Variants in NGEF observed in about 807,000 individuals in gnomAD.
The protein encoded by NGEF is ephexin-1.
In NGEF, 31 loss-of-function variants were observed where a neutral mutation model predicts 80.9. The observed-to-expected ratio is 0.38, with a 90% CI of 0.29 to 0.52. NGEF has a LOEUF of 0.52. NGEF is among the 20% of genes least tolerant of loss of function. NGEF has a pLI of 0.84. For synonymous variants in NGEF, 371 were observed against 370.2 expected (o/e 1.00, Z -0.03); for missense variants, 709 against 926.2 (o/e 0.77, Z 3.04).
chr2:232,975,016 T>A, intron 1 of NGEF, 52 bp from the exon 2 acceptor site: 1 of 914,256 alleles, frequency 1.1e-6, no homozygotes, highest in Non-Finnish European at 1.6e-6. Flanking sequence ...CTAAGTATTC[T>A]ATTCAGACTG....
chr2:233,011,251 T>A (rs1695197056), intron 1 of NGEF, among the ~76,000 whole-genome samples: 1 of 151,762 alleles, frequency 6.6e-6, no homozygotes, highest in Non-Finnish European at 1.5e-5. Flanking sequence ...TGCACAGCAA[T>A]TATCTATGAA....
intron 5 of NGEF, among the ~76,000 whole-genome samples, chr2:232,907,468 C>A (rs775680312): frequency 6.6e-6 from 1 of 152,132 alleles, no homozygotes; most frequent in African/African-American, 2.4e-5. Flanking sequence ...ATCTGAAGAT[C>A]CCGGTTTTGT....
At position 232,892,767 on chromosome 2, in the gene NGEF, C is replaced by G; in HGVS notation, c.1142+131G>C. ...CAGTATCCCTGGCCAACTCCGGTGG[C>G]TCATGTGGACCTTGGGAACGCAGAG... is the stretch of plus-strand genomic sequence containing the variant. On this transcript the variant is annotated intron_variant, in intron 7 of 14. Transcript: ENST00000264051. This position sits in a 1 kb window ranked among gnomAD's most constrained non-coding sequence, Gnocchi z 4.0. The G allele has an allele frequency of 9.9e-7, 1 of 1,010,902 alleles. No individual in the cohort carries two copies. The highest frequency in any genetic ancestry group is 1.5e-6 in the Non-Finnish European group (1 of 681,108). The allele number at this position is 1,010,902 out of a possible 1,614,324, so 62.6% of individuals were successfully genotyped here.
chr2:232,890,274 G>GGCCTGTCAGGTGGAGGGGGTCTTGC (rs1691838471), intron 8 of NGEF, among the ~76,000 whole-genome samples: 25 of 151,560 alleles, frequency 1.6e-4, no homozygotes, highest in African/African-American at 6.1e-4. Context: ...GGGGGTCTTG[G>GGCCTGTCAGGTGGAGGGGGTCTTGC]GCCTGCCTCT....
At chr2:232,916,721 C>A (rs1273607591) in intron 5 of NGEF, among the ~76,000 whole-genome samples, 1 of 152,184 alleles carries the variant, frequency 6.6e-6, no homozygotes, top group Non-Finnish European at 1.5e-5. Context: ...TGCAAATGGC[C>A]GCTCTTGCAC....
chr2:232,959,707 G>A (rs1306049401), intron 3 of NGEF, among the ~76,000 whole-genome samples: 1 of 151,910 alleles, frequency 6.6e-6, no homozygotes. Flanking sequence ...AGTCTCCCGA[G>A]TAGCTGGGAT....
chr2:232,999,122 C>T (rs558492000), intron 1 of NGEF, among the ~76,000 whole-genome samples: 12 of 152,302 alleles, frequency 7.9e-5, no homozygotes, highest in South Asian at 4.1e-4. Context: ...AAGCTTCCCA[C>T]ATCTGAGCAG....
intron 3 of NGEF, among the ~76,000 whole-genome samples, chr2:232,966,369 T>C (rs980186314): frequency 1.3e-5 from 2 of 152,188 alleles, no homozygotes; most frequent in Non-Finnish European, 2.9e-5. Context: ...CACACTTAGC[T>C]CTGAGAAATC....
At chr2:232,910,848 T>C (rs1233877865) in intron 5 of NGEF, among the ~76,000 whole-genome samples, 1 of 152,234 alleles carries the variant, frequency 6.6e-6, no homozygotes, top group African/African-American at 2.4e-5. Context: ...TGGACTGTTG[T>C]TTTTTTACTG....
rs768977375 is a variant in NGEF, at chr2:232,920,479, A to G, written c.633T>C (p.Ser211=). 1.6e-5 allele frequency: 26 copies of G among 1,612,226 alleles called. No homozygotes were observed. Among genetic ancestry groups the G allele is most frequent in the Non-Finnish European group, 2.0e-5 (24 of 1,179,224 alleles). Residue 211 remains serine, a synonymous_variant, in exon 5 of 15, where the codon AGT becomes AGC. Transcript: ENST00000264051. ...CTTCTTCCTCCTCCGGGGTGTCCTC[A>G]CTGGCCGGGGACCCATTGGTATTGT... is the stretch of plus-strand genomic sequence containing the variant. ...IEDNTNGSPA[S]EDTPEEEEEE...
chr2:232,989,966 G>A (rs912821084), intron 1 of NGEF, among the ~76,000 whole-genome samples: 1 of 152,162 alleles, frequency 6.6e-6, no homozygotes, highest in African/African-American at 2.4e-5. Flanking sequence ...AGAAGAGACT[G>A]TGTACATTTA....
chr2:232,986,158 T>G, intron 1 of NGEF, among the ~76,000 whole-genome samples: 1 of 152,080 alleles, frequency 6.6e-6, no homozygotes, highest in South Asian at 2.1e-4. Flanking sequence ...AACAATGAGA[T>G]ACCATCTCAC....
rs1448801017 is a variant in NGEF at position 232,878,709 on chromosome 2, A to G, written c.*780T>C. 2 of 152,608 alleles carry G rather than the reference A, an allele frequency of 1.3e-5. No homozygotes were observed. The highest frequency in any genetic ancestry group is 4.8e-5 in the African/African-American group (2 of 41,458). The allele number at this position is 152,608 out of a possible 1,614,324, so 9.5% of individuals were successfully genotyped here. A position where few individuals can be genotyped will look rare whatever the true frequency, so the allele number is the denominator to read the frequency against. The stretch of plus-strand genomic sequence containing the variant: ...AGTAGACCTTCATCTTCTTTATTTT[A>G]TATATGATGCTTCTTTTAATGCAGC... On this transcript the variant is annotated 3_prime_UTR_variant, in exon 15 of 15. Transcript: ENST00000264051.
At chr2:232,915,476 C>T (rs778362) in intron 5 of NGEF, among the ~76,000 whole-genome samples, 127,908 of 152,182 alleles carry the variant, frequency 0.84, 54,051 homozygotes, top group African/African-American at 0.91. Context: ...TGCATCTCAA[C>T]TGGATTCATT....
At chr2:233,006,050 CA>C (rs1695077913) in intron 1 of NGEF, among the ~76,000 whole-genome samples, 1 of 152,178 alleles carries the variant, frequency 6.6e-6, no homozygotes, top group African/African-American at 2.4e-5. Flanking sequence ...CTCTTGACCT[CA>C]AGTGATCCGC....
chr2:232,933,916 T>C lies in NGEF; in HGVS notation c.384-6730A>G, dbSNP rs536786767. On this transcript the variant is annotated intron_variant, in intron 3 of 14. Transcript: ENST00000264051. Reference sequence around the variant, plus strand: ...GGGCTCCTTAGGATGGGCACCCTGCTGCCTCACTCATCTTTCATCAGGAGC... The same window carrying C: ...GGGCTCCTTAGGATGGGCACCCTGCCGCCTCACTCATCTTTCATCAGGAGC... 5.3e-5 allele frequency among the ~76,000 whole-genome samples: 8 copies of C among 152,342 alleles called. No homozygotes were observed. In the South Asian group the frequency reaches 1.7e-3, roughly 32 times the overall value.
intron 8 of NGEF, 22 bp downstream of exon 8, chr2:232,891,336 G>T: frequency 6.2e-7 from 1 of 1,612,338 alleles, no homozygotes; most frequent in Non-Finnish European, 8.5e-7. Flanking sequence ...CCCGTCTGTG[G>T]GTCAGGTGGA....
intron 5 of NGEF, 52 bp from the exon 6 acceptor site, chr2:232,894,968 G>C: frequency 2.0e-6 from 3 of 1,515,430 alleles, no homozygotes; most frequent in Non-Finnish European, 1.8e-6. Flanking sequence ...TTCCACGAAG[G>C]CGCTAGCCTT....
At chr2:232,910,857 T>C (rs1436623336) in intron 5 of NGEF, among the ~76,000 whole-genome samples, 2 of 152,260 alleles carry the variant, frequency 1.3e-5, no homozygotes, top group Non-Finnish European at 2.9e-5. Context: ...GTTTTTTTAC[T>C]GTTGAGTTTT....
Sources: allele counts gnomAD v4.1 joint callset (sites outside exome capture counted in the v4.1 genomes callset), GRCh38; gene constraint gnomAD v4.1.1; non-coding constraint Gnocchi (gnomAD v3.1); transcripts MANE v1.5; gene names NCBI Gene and HGNC (gene_info 2026-07-23, HGNC 2026-07-21).